SNTG1: variants seen among roughly 807,000 people sequenced by gnomAD.
SNTG1 encodes the protein syntrophin gamma 1.
Under a neutral mutation model 74.7 loss-of-function variants are expected in SNTG1, and 39 were observed. That is an observed-to-expected ratio of 0.52 (90% CI 0.40 to 0.68). SNTG1 has a LOEUF of 0.68. SNTG1 is among the 30% of genes least tolerant of loss of function. SNTG1 has a pLI of 0.00. For missense variants in SNTG1, 685 were observed against 609.5 expected, an observed-to-expected ratio of 1.12 and a Z score of -1.30; for synonymous variants, 254 against 217.1, an observed-to-expected ratio of 1.17 and a Z score of -1.49.
intron 1 of SNTG1, among the ~76,000 whole-genome samples, chr8:49,913,512 AC>A (rs1348661971): frequency 2.0e-5 from 3 of 152,154 alleles, no homozygotes; most frequent in Non-Finnish European, 4.4e-5. Flanking sequence ...ATCATTCTTA[AC>A]TGTCACCACT....
intron 5 of SNTG1, among the ~76,000 whole-genome samples, chr8:50,446,894 T>A (rs2093412967): frequency 6.6e-6 from 1 of 152,200 alleles, no homozygotes; most frequent in Admixed American, 6.5e-5. Flanking sequence ...AATCTTACAC[T>A]GCATATAACA....
chr8:50,022,722 G>T (rs1458481318), intron 1 of SNTG1, among the ~76,000 whole-genome samples: 1 of 152,170 alleles, frequency 6.6e-6, no homozygotes, highest in Admixed American at 6.5e-5. Context: ...TGAGCTGCCA[G>T]AGCATACATG....
rs188835942 is a variant in SNTG1 at position 49,992,317 on chromosome 8, G to T, written c.-103+80086G>T. Among the ~76,000 whole-genome samples the T allele has an allele frequency of 6.6e-5, 10 of 152,148 alleles. No individual in the cohort carries two copies. The East Asian group carries it at 1.9e-3, about 29-fold the overall frequency. The stretch of plus-strand genomic sequence containing the variant: ...AGTTGTGAATAAGCAAGTTCTACAG[G>T]GACTAACTGTACCTCCATTTGTAGC... On this transcript the variant is annotated intron_variant, in intron 1 of 18. Transcript: ENST00000642720.
At chr8:50,585,517 G>A (rs936964269) in intron 12 of SNTG1, among the ~76,000 whole-genome samples, 2 of 152,090 alleles carry the variant, frequency 1.3e-5, no homozygotes, top group African/African-American at 2.4e-5. Flanking sequence ...TCTAAGAAGT[G>A]TAACATGGAA....
intron 1 of SNTG1, among the ~76,000 whole-genome samples, chr8:50,106,842 T>C (rs2080391371): frequency 2.0e-5 from 3 of 152,186 alleles, no homozygotes; most frequent in Non-Finnish European, 4.4e-5. Context: ...GACTCAATTC[T>C]ATATTTTAGC....
intron 5 of SNTG1, among the ~76,000 whole-genome samples, chr8:50,448,401 G>A (rs1457881260): frequency 2.0e-5 from 3 of 151,918 alleles, no homozygotes; most frequent in Non-Finnish European, 2.9e-5. Flanking sequence ...TTAAAAATGG[G>A]CATGCAAGGG....
At chr8:50,258,777 T>G (rs561699772) in intron 2 of SNTG1, among the ~76,000 whole-genome samples, 1 of 152,220 alleles carries the variant, frequency 6.6e-6, no homozygotes, top group Non-Finnish European at 1.5e-5. Flanking sequence ...GAGCAGAGTC[T>G]AAGAGAAATG....
intron 3 of SNTG1, among the ~76,000 whole-genome samples, chr8:50,396,716 C>A (rs1050137646): frequency 6.6e-6 from 1 of 151,980 alleles, no homozygotes; most frequent in African/African-American, 2.4e-5. Flanking sequence ...AATTAATAGA[C>A]CTTAAATTTT....
At chr8:50,078,311 CAGTT>C (rs763996287) in intron 1 of SNTG1, among the ~76,000 whole-genome samples, 4 of 152,154 alleles carry the variant, frequency 2.6e-5, no homozygotes, top group Non-Finnish European at 5.9e-5. Flanking sequence ...TGATAAATGA[CAGTT>C]AGGCTTTTAT....
intron 1 of SNTG1, among the ~76,000 whole-genome samples, chr8:49,941,232 C>T (rs1480431821): frequency 1.3e-5 from 2 of 151,976 alleles, no homozygotes; most frequent in African/African-American, 2.4e-5. Flanking sequence ...CTCCAGCCTC[C>T]GTGCAGTTCC....
chr8:50,623,370 A>T (rs767758960), intron 13 of SNTG1, among the ~76,000 whole-genome samples: 1 of 151,950 alleles, frequency 6.6e-6, no homozygotes, highest in Non-Finnish European at 1.5e-5. Flanking sequence ...CAGTTTTTTG[A>T]TTGTCTTTGT....
chr8:50,397,007 A>G (rs1458559248), intron 3 of SNTG1, among the ~76,000 whole-genome samples: 1 of 152,256 alleles, frequency 6.6e-6, no homozygotes, highest in East Asian at 1.9e-4. Context: ...TTAGGCAATT[A>G]GGAAGTATTG....
intron 2 of SNTG1, among the ~76,000 whole-genome samples, chr8:50,375,540 A>C (rs2092361035): frequency 6.6e-6 from 1 of 152,184 alleles, no homozygotes; most frequent in African/African-American, 2.4e-5. Flanking sequence ...CTCCAGGCAG[A>C]GGGAAATGTT....
intron 13 of SNTG1, among the ~76,000 whole-genome samples, chr8:50,633,154 G>T (rs1322878465): frequency 2.3e-5 from 2 of 85,302 alleles, no homozygotes. Context: ...CCATTTCATT[G>T]CCTATTAATG....
intron 2 of SNTG1, among the ~76,000 whole-genome samples, chr8:50,216,226 A>T (rs1421973610): frequency 6.6e-6 from 1 of 152,144 alleles, no homozygotes; most frequent in South Asian, 2.1e-4. Context: ...TTTGTAAATG[A>T]CCTTTTTACA....
intron 13 of SNTG1, among the ~76,000 whole-genome samples, chr8:50,617,231 A>G (rs918156034): frequency 7.9e-5 from 12 of 152,158 alleles, no homozygotes; most frequent in Non-Finnish European, 8.8e-5. Context: ...GAAGGGAAGG[A>G]ACCTGCTAAT....
chr8:49,916,888 T>G (rs1403608417), intron 1 of SNTG1, among the ~76,000 whole-genome samples: 1 of 151,312 alleles, frequency 6.6e-6, no homozygotes, highest in East Asian at 1.9e-4. Flanking sequence ...TATCTGGGTG[T>G]GGTGAATGTG....
At chr8:50,658,773 C>G (rs1366099800) in intron 15 of SNTG1, 110 bp downstream of exon 15, 3 of 683,098 alleles carry the variant, frequency 4.4e-6, no homozygotes, top group South Asian at 2.0e-5. Context: ...AAAGAAGAGA[C>G]ACGATAAAGA....
At chr8:50,378,583 C>T (rs1052154998) in intron 2 of SNTG1, among the ~76,000 whole-genome samples, 1 of 152,114 alleles carries the variant, frequency 6.6e-6, no homozygotes, top group African/African-American at 2.4e-5. Context: ...TAGGACAGCT[C>T]AGAGGAAAGC....
Sources: gnomAD v4.1 joint callset for allele counts (sites outside exome capture counted in the v4.1 genomes callset) on GRCh38, gnomAD v4.1.1 for gene constraint, MANE v1.5 for transcripts, NCBI Gene and HGNC (gene_info 2026-07-23, HGNC 2026-07-21) for gene names.